The following NAA60 variants were observed in gnomAD, a reference collection of about 807,000 sequenced individuals.
NAA60 encodes N-alpha-acetyltransferase 60.
In NAA60, 8 loss-of-function variants were observed where a neutral mutation model predicts 26.1. The observed-to-expected ratio is 0.31, with a 90% CI of 0.18 to 0.55. The LOEUF is 0.55. Ranked by LOEUF, NAA60 falls within the 20% of genes least tolerant of loss-of-function variation. NAA60 has a pLI of 0.93. For synonymous variants in NAA60, 131 were observed against 122.5 expected (o/e 1.07, Z -0.46); for missense variants, 290 against 311.3 (o/e 0.93, Z 0.51).
At chr16:3,462,085 T>TAAAA (rs2035436230) in intron 2 of NAA60, among the ~76,000 whole-genome samples, 1 of 47,984 alleles carries the variant, frequency 2.1e-5, no homozygotes, top group African/African-American at 1.5e-4. Flanking sequence ...AGACCTTATA[T>TAAAA]CAAAAAAAAA....
chr16:3,485,607 C>G lies in NAA60; in HGVS notation c.*347C>G, dbSNP rs771229523. 6.6e-6 allele frequency: 3 copies of G among 456,382 alleles called. No individual in the cohort carries two copies. Among genetic ancestry groups the G allele is most frequent in the South Asian group, 4.6e-5 (3 of 64,546 alleles). The allele number at this position is 456,382 out of a possible 1,614,324, so 28.3% of individuals were successfully genotyped here. Reference sequence around the variant, plus strand: ...GCCTGCCCTCACTGGGCCTCTCCCACTCCGCTGCCTGTTCTTGCAGCTCCT... The same window carrying G: ...GCCTGCCCTCACTGGGCCTCTCCCAGTCCGCTGCCTGTTCTTGCAGCTCCT... On this transcript the variant is annotated 3_prime_UTR_variant, in exon 8 of 8. Coordinates refer to ENST00000407558, the MANE Select transcript of NAA60 (RefSeq NM_001083601.3).
rs1475442493 is a variant in NAA60, at chr16:3,485,785, G to T, written c.*525G>T. The T allele has an allele frequency of 4.8e-6, 2 of 414,772 alleles. No individual in the cohort carries two copies. Among genetic ancestry groups the T allele is most frequent in the Non-Finnish European group, 9.8e-6 (2 of 204,090 alleles). 25.7% of individuals were successfully genotyped at this position (414,772 alleles called of 1,614,324 possible). A position where few individuals can be genotyped will look rare whatever the true frequency, so the allele number is the denominator to read the frequency against. ...CAGAACCAGCCCAAAGAAGCCTGGG[G>T]GGTGAGGAGTGGCCCCCACTCCTCC... On this transcript the variant is annotated 3_prime_UTR_variant, in exon 8 of 8. Coordinates refer to ENST00000407558, the MANE Select transcript of NAA60 (RefSeq NM_001083601.3).
chr16:3,464,839 T>C (rs2035637375), intron 2 of NAA60, among the ~76,000 whole-genome samples: 1 of 152,216 alleles, frequency 6.6e-6, no homozygotes, highest in Admixed American at 6.5e-5. Flanking sequence ...GCTGAAAGCA[T>C]CGCTGGGACA....
rs932216686 is a variant in NAA60 at position 3,448,384 on chromosome 16, G to A, written c.-76-87G>A. 1.7e-4 allele frequency: 178 copies of A among 1,061,368 alleles called. 1 individual carries two copies. Among genetic ancestry groups the A allele is most frequent in the Admixed American group, 9.9e-4 (40 of 40,412 alleles). 65.7% of individuals were successfully genotyped at this position (1,061,368 alleles called of 1,614,324 possible). On this transcript the variant is annotated intron_variant, in intron 1 of 7. Transcript: ENST00000407558. ...ATCAGATTGATACTCTGAGATCCAGGGTTTGTCTGACACTCATTAGCCTAT... is the reference window on the plus strand; with the variant it reads ...ATCAGATTGATACTCTGAGATCCAGAGTTTGTCTGACACTCATTAGCCTAT...
At chr16:3,450,109 T>C (rs2034717699) in intron 2 of NAA60, 4 of 391,386 alleles carry the variant, frequency 1.0e-5, no homozygotes, top group East Asian at 7.2e-5. Context: ...AATATTTGGC[T>C]CCTGACTGAA....
chr16:3,469,226 A>G (rs1302089424), intron 2 of NAA60, among the ~76,000 whole-genome samples: 2 of 152,206 alleles, frequency 1.3e-5, no homozygotes, highest in South Asian at 2.1e-4. Context: ...TTAGTGCTCT[A>G]TCCCCCCAGC....
intron 2 of NAA60, among the ~76,000 whole-genome samples, chr16:3,475,035 C>G (rs937752067): frequency 5.3e-5 from 8 of 151,526 alleles, no homozygotes; most frequent in Non-Finnish European, 1.2e-4. Flanking sequence ...CCCACCTCAG[C>G]CTTCCAAAGT....
Position 3,485,761 on chromosome 16 carries a change from A to G in NAA60, c.*501A>G, listed in dbSNP as rs1406514210. On this transcript the variant is annotated 3_prime_UTR_variant, in exon 8 of 8. Transcript: ENST00000407558. ...TAAAGGGAATGGCCCGTCCCCTTCC[A>G]GAACCAGCCCAAAGAAGCCTGGGGG... 6.8e-6 allele frequency: 3 copies of G among 439,498 alleles called. No individual in the cohort carries two copies. The highest frequency in any genetic ancestry group is 6.0e-5 in the African/African-American group (3 of 49,588). The allele number at this position is 439,498 out of a possible 1,614,324, so 27.2% of individuals were successfully genotyped here. A position where few individuals can be genotyped will look rare whatever the true frequency, so the allele number is the denominator to read the frequency against.
At chr16:3,461,247 G>A (rs2035374374) in intron 2 of NAA60, among the ~76,000 whole-genome samples, 2 of 152,206 alleles carry the variant, frequency 1.3e-5, no homozygotes, top group South Asian at 4.1e-4. Flanking sequence ...GCTTGTGGGA[G>A]TGATAGGAAG....
At chr16:3,473,707 TTTG>T (rs199845048) in intron 2 of NAA60, among the ~76,000 whole-genome samples, 49,879 of 145,592 alleles carry the variant, frequency 0.34, 8,628 homozygotes, top group East Asian at 0.5. Context: ...GCCCCAGCTT[TTTG>T]TTGTTGTTGT....
chr16:3,464,363 C>T (rs1407846538), intron 2 of NAA60, among the ~76,000 whole-genome samples: 1 of 152,078 alleles, frequency 6.6e-6, no homozygotes, highest in Non-Finnish European at 1.5e-5. Context: ...AGTGCAAACC[C>T]AGAGAAGCAG....
intron 2 of NAA60, among the ~76,000 whole-genome samples, chr16:3,471,600 C>T (rs1412254259): frequency 6.6e-6 from 1 of 152,182 alleles, no homozygotes; most frequent in Non-Finnish European, 1.5e-5. Context: ...CTTGCCAACC[C>T]CACTTCCTGG....
chr16:3,443,987 T>C, intron 1 of NAA60, 150 bp downstream of exon 1: 1 of 1,347,626 alleles, frequency 7.4e-7, no homozygotes, highest in African/African-American at 1.5e-5. Context: ...TGAAGGAGTA[T>C]CTTTGTGTAC....
In NAA60 at chr16:3,485,714, G is replaced by T. The variant is rs2037116709; in HGVS notation, c.*454G>T. On this transcript the variant is annotated 3_prime_UTR_variant, in exon 8 of 8. Coordinates refer to ENST00000407558, the MANE Select transcript of NAA60 (RefSeq NM_001083601.3). ...CACACTTGACCGTAAAGGCACAGGAGCCTCGGAACAAGGGGGCGCAATAAA... is the reference window on the plus strand; with the variant it reads ...CACACTTGACCGTAAAGGCACAGGATCCTCGGAACAAGGGGGCGCAATAAA... The T allele has an allele frequency of 4.4e-6, 2 of 456,362 alleles. No homozygotes were observed. Among genetic ancestry groups the T allele is most frequent in the Non-Finnish European group, 8.8e-6 (2 of 226,866 alleles). The allele number at this position is 456,362 out of a possible 1,614,324, so 28.3% of individuals were successfully genotyped here. A position where few individuals can be genotyped will look rare whatever the true frequency, so the allele number is the denominator to read the frequency against.
intron 2 of NAA60, among the ~76,000 whole-genome samples, chr16:3,457,697 T>C (rs2035066095): frequency 6.6e-6 from 1 of 152,194 alleles, no homozygotes; most frequent in African/African-American, 2.4e-5. Flanking sequence ...AGGATGCGCC[T>C]GCCAGGGCCT....
intron 2 of NAA60, chr16:3,467,723 C>G (rs2035856645): frequency 6.6e-6 from 1 of 152,190 alleles, no homozygotes; most frequent in Admixed American, 6.5e-5. Flanking sequence ...GGCAGACACA[C>G]CTGTGGGTGC....
At chr16:3,479,133 G>T (rs529147165) in intron 3 of NAA60, among the ~76,000 whole-genome samples, 2 of 152,054 alleles carry the variant, frequency 1.3e-5, no homozygotes, top group Non-Finnish European at 2.9e-5. Flanking sequence ...CCAGCTACTC[G>T]GGAGACCGAA....
At chr16:3,482,725 C>T (rs2036925876) in intron 5 of NAA60, 127 bp downstream of exon 5, 2 of 706,688 alleles carry the variant, frequency 2.8e-6, no homozygotes, top group Non-Finnish European at 5.0e-6. Context: ...CCCTCAGTCT[C>T]ATCTTCCATC....
chr16:3,453,173 G>A (rs1416027599), intron 2 of NAA60, among the ~76,000 whole-genome samples: 1 of 151,646 alleles, frequency 6.6e-6, no homozygotes, highest in Non-Finnish European at 1.5e-5. Context: ...GAGGCAGGCA[G>A]ATTGCCTGAG....
Sources: gnomAD v4.1 joint callset for allele counts (sites outside exome capture counted in the v4.1 genomes callset) on GRCh38, gnomAD v4.1.1 for gene constraint, MANE v1.5 for transcripts, NCBI Gene and HGNC (gene_info 2026-07-23, HGNC 2026-07-21) for gene names.